The following HOATZ variants were observed in gnomAD, a reference collection of about 807,000 sequenced individuals.
HOATZ encodes cilia- and flagella-associated protein HOATZ.
In HOATZ, 26 loss-of-function variants were observed where a neutral mutation model predicts 24.9. That is an observed-to-expected ratio of 1.04 (90% confidence interval 0.76 to 1.45). HOATZ has a LOEUF of 1.45. HOATZ is among the 40% of genes most tolerant of loss of function. HOATZ has a pLI of 0.00. For missense variants in HOATZ, 226 were observed against 201.5 expected (o/e 1.12, Z -0.74); for synonymous variants, 83 against 76.6 (o/e 1.08, Z -0.43).
intron 5 of HOATZ, chr11:111,535,890 C>T (rs1472527417): frequency 1.3e-5 from 2 of 152,146 alleles, no homozygotes; most frequent in African/African-American, 4.8e-5. Context: ...AACTCCTGCT[C>T]GTGATCCACC....
chr11:111,528,870 T>C (rs1296255000), intron 3 of HOATZ, among the ~76,000 whole-genome samples: 5 of 152,186 alleles, frequency 3.3e-5, no homozygotes, highest in Non-Finnish European at 5.9e-5. Flanking sequence ...GTGTTTGAAG[T>C]GTGGCAAAAG....
intron 3 of HOATZ, among the ~76,000 whole-genome samples, chr11:111,532,068 T>A (rs917932641): frequency 1.3e-5 from 2 of 152,310 alleles, no homozygotes; most frequent in African/African-American, 4.8e-5. Flanking sequence ...TCACCTCCCC[T>A]GGGACATCTT....
chr11:111,522,906 T>G lies in HOATZ; in HGVS notation c.339+6796T>G, dbSNP rs183290108. Among the ~76,000 whole-genome samples, 20 of 152,128 alleles carry G rather than the reference T, an allele frequency of 1.3e-4. No homozygotes were observed. The East Asian group carries it at 3.5e-3, about 26-fold the overall frequency. Reference sequence around the variant, plus strand: ...TTCAAGACCAGGCTGACCAACATGGTGAAACCCCGTCTCTACTAAAAATAC... The same window carrying G: ...TTCAAGACCAGGCTGACCAACATGGGGAAACCCCGTCTCTACTAAAAATAC... On this transcript the variant is annotated intron_variant, in intron 3 of 5. Transcript: ENST00000375618.
At chr11:111,527,802 C>G (rs1239668406) in intron 3 of HOATZ, among the ~76,000 whole-genome samples, 1 of 152,096 alleles carries the variant, frequency 6.6e-6, no homozygotes, top group African/African-American at 2.4e-5. Flanking sequence ...AATCAGCAAG[C>G]CAAGATGCAT....
In HOATZ at chr11:111,515,913, C is replaced by T. The variant is rs181711044; in HGVS notation, c.269-127C>T. The stretch of plus-strand genomic sequence containing the variant: ...TCTGGTTTGTAAAGTTCCAATACAC[C>T]ACATGTATTTTTGTTTACCTTCCTA... On this transcript the variant is annotated intron_variant, in intron 2 of 5. Transcript: ENST00000375618. 2.9e-4 allele frequency: 182 copies of T among 619,230 alleles called. No individual in the cohort carries two copies. In the African/African-American group the frequency reaches 3.0e-3, roughly 10 times the overall value. 38.4% of individuals were successfully genotyped at this position (619,230 alleles called of 1,614,324 possible). A position where few individuals can be genotyped will look rare whatever the true frequency, so the allele number is the denominator to read the frequency against.
chr11:111,524,777 T>G, intron 3 of HOATZ: 1 of 380,312 alleles, frequency 2.6e-6, no homozygotes, highest in Admixed American at 3.3e-5. Context: ...AAAAAAATAT[T>G]CAAAAATCAA....
intron 3 of HOATZ, among the ~76,000 whole-genome samples, chr11:111,523,077 CA>C (rs749406660): frequency 1.3e-5 from 2 of 150,736 alleles, no homozygotes; most frequent in East Asian, 1.9e-4. Context: ...GAGACTGTCT[CA>C]AAAAAAAATT....
intron 3 of HOATZ, among the ~76,000 whole-genome samples, chr11:111,531,864 G>C (rs1177671113): frequency 2.0e-5 from 3 of 152,190 alleles, no homozygotes; most frequent in African/African-American, 7.2e-5. Context: ...GTGTCTTGAT[G>C]AATCATGCCT....
At chr11:111,532,442 T>C (rs1054314625) in intron 3 of HOATZ, among the ~76,000 whole-genome samples, 1 of 152,188 alleles carries the variant, frequency 6.6e-6, no homozygotes, top group African/African-American at 2.4e-5. Context: ...TCCAGTCTGA[T>C]TGGAGTCCTC....
chr11:111,523,205 C>CTTTTTTTTTTTTTTTTTT (rs747393521), intron 3 of HOATZ, among the ~76,000 whole-genome samples: 1 of 94,270 alleles, frequency 1.1e-5, no homozygotes, highest in Non-Finnish European at 2.2e-5. Flanking sequence ...TAAGTGTTCA[C>CTTTTTTTTTTTTTTTTTT]TTTTTTTTTT....
In HOATZ at chr11:111,523,778, A is replaced by G. The variant is rs190272603; in HGVS notation, c.339+7668A>G. ...TTCTGCCTGAAAATGCCTTTCTCTC[A>G]TTTCTTCCCATTTAGCTAATAACTA... is the stretch of plus-strand genomic sequence containing the variant. On this transcript the variant is annotated intron_variant, in intron 3 of 5. Coordinates refer to ENST00000375618, the MANE Select transcript of HOATZ (RefSeq NM_001100388.2). Among the ~76,000 whole-genome samples the G allele has an allele frequency of 5.3e-5, 8 of 152,166 alleles. No homozygotes were observed. The East Asian group carries it at 1.5e-3, about 29-fold the overall frequency.
intron 3 of HOATZ, 44 bp from the exon 4 acceptor site, chr11:111,533,702 T>A: frequency 1.5e-6 from 2 of 1,377,596 alleles, no homozygotes; most frequent in Non-Finnish European, 2.0e-6. Flanking sequence ...GCGTAAGTCT[T>A]TATTATTGAA....
chr11:111,527,649 C>G (rs1353264195), intron 3 of HOATZ, among the ~76,000 whole-genome samples: 1 of 152,170 alleles, frequency 6.6e-6, no homozygotes, highest in Non-Finnish European at 1.5e-5. Flanking sequence ...TGAGGTCCAA[C>G]AGTTCTGTAT....
intron 3 of HOATZ, among the ~76,000 whole-genome samples, chr11:111,522,656 A>G (rs192568294): frequency 6.6e-6 from 1 of 152,294 alleles, no homozygotes; most frequent in East Asian, 1.9e-4. Flanking sequence ...GACTCTTCCC[A>G]AGCCACTTGG....
At chr11:111,520,518 T>C (rs1220308606) in intron 3 of HOATZ, among the ~76,000 whole-genome samples, 1 of 152,174 alleles carries the variant, frequency 6.6e-6, no homozygotes, top group Non-Finnish European at 1.5e-5. Context: ...CAACCAGTAA[T>C]GTCCATAGTA....
chr11:111,515,990 A>G (rs1361434707), intron 2 of HOATZ, 50 bp from the exon 3 acceptor site: 1 of 1,243,204 alleles, frequency 8.0e-7, no homozygotes, highest in East Asian at 2.4e-5. Flanking sequence ...ATTTTAGTAT[A>G]AAATCATAAT....
chr11:111,528,246 T>A (rs915964161), intron 3 of HOATZ, among the ~76,000 whole-genome samples: 1 of 152,066 alleles, frequency 6.6e-6, no homozygotes, highest in Non-Finnish European at 1.5e-5. Context: ...GGTGGGAGGA[T>A]TGCTTGAGCC....
intron 3 of HOATZ, among the ~76,000 whole-genome samples, chr11:111,523,587 T>C (rs931379862): frequency 2.0e-5 from 3 of 152,154 alleles, no homozygotes; most frequent in African/African-American, 7.2e-5. Context: ...ACTGGTTGAA[T>C]CACAGTTTAA....
At chr11:111,519,682 C>A (rs532611530) in intron 3 of HOATZ, among the ~76,000 whole-genome samples, 1 of 152,188 alleles carries the variant, frequency 6.6e-6, no homozygotes, top group Admixed American at 6.5e-5. Context: ...TTTTAACTAA[C>A]GAAGCATTTA....
Sources: gnomAD v4.1 joint callset for allele counts (sites outside exome capture counted in the v4.1 genomes callset) on GRCh38, gnomAD v4.1.1 for gene constraint, MANE v1.5 for transcripts, NCBI Gene and HGNC (gene_info 2026-07-23, HGNC 2026-07-21) for gene names.